GBP6: variants seen among roughly 807,000 people sequenced by gnomAD.
GBP6 encodes the protein guanylate-binding protein 6.
Under a neutral mutation model 61.5 loss-of-function variants are expected in GBP6, and 54 were observed. That is an observed-to-expected ratio of 0.88 (90% CI 0.71 to 1.10). The LOEUF (loss-of-function observed/expected upper bound fraction) is 1.10, where lower values mean the gene tolerates loss of function less well. Ranked by LOEUF, GBP6 falls within the 50% of genes least tolerant of loss-of-function variation. The pLI is 0.00. For missense variants in GBP6, 748 were observed against 752.8 expected (o/e 0.99, Z 0.07); for synonymous variants, 255 against 273.7 (o/e 0.93, Z 0.67).
intron 3 of GBP6, 110 bp from the exon 4 acceptor site, chr1:89,377,993 T>C: frequency 3.1e-6 from 3 of 970,526 alleles, no homozygotes; most frequent in Non-Finnish European, 4.8e-6. Context: ...ATGTTCTTTG[T>C]ACAGCAAGTA....
intron 6 of GBP6, 71 bp downstream of exon 6, chr1:89,380,702 A>G: frequency 6.8e-7 from 1 of 1,470,462 alleles, no homozygotes; most frequent in Non-Finnish European, 9.2e-7. Flanking sequence ...GTTTCTCAGA[A>G]TTTTTGTTAG....
chr1:89,380,734 T>G, intron 6 of GBP6, 103 bp downstream of exon 6: 2 of 999,288 alleles, frequency 2.0e-6, no homozygotes, highest in Non-Finnish European at 3.0e-6. Flanking sequence ...AAAAACTACG[T>G]GTATACAGGT....
intron 3 of GBP6, among the ~76,000 whole-genome samples, chr1:89,371,913 C>T (rs1273502785): frequency 6.6e-6 from 1 of 152,302 alleles, no homozygotes; most frequent in East Asian, 1.9e-4. Context: ...ATCTAGAAAA[C>T]CACATCATCT....
intron 3 of GBP6, 27 bp downstream of exon 3, chr1:89,369,700 C>T (rs1331882208): frequency 1.2e-6 from 2 of 1,601,562 alleles, no homozygotes; most frequent in Non-Finnish European, 1.7e-6. Context: ...TAGACAGGTT[C>T]CTTTTATTCC....
chr1:89,378,087 C>A lies in GBP6; in HGVS notation c.319-16C>A, dbSNP rs774529444. The A allele has an allele frequency of 1.1e-5, 18 of 1,608,470 alleles. No homozygotes were observed. Among genetic ancestry groups the A allele is most frequent in the Non-Finnish European group, 1.5e-5 (18 of 1,177,712 alleles). On this transcript the variant is annotated splice_polypyrimidine_tract_variant and intron_variant, in intron 3 of 10. Transcript: ENST00000370456. The stretch of plus-strand genomic sequence containing the variant: ...AGACTACACTCCTAAGTCCTTTGCT[C>A]TAATGTGCTTTTTAGGGTGACCCTA...
In GBP6 at chr1:89,384,313, C is replaced by T. The variant is rs1464737003; in HGVS notation, c.1662+27C>T. 4.5e-6 allele frequency: 7 copies of T among 1,568,668 alleles called. No individual in the cohort carries two copies. The South Asian group carries it at 5.9e-5, about 13-fold the overall frequency. On this transcript the variant is annotated intron_variant, in intron 10 of 10. Transcript: ENST00000370456. ...TAAGTCTGCCCTTGGCCTCAGCAGG[C>T]CAGACGGTCCTCACCCAGGTACCTC...
At chr1:89,365,296 A>G (rs1450787014) in intron 1 of GBP6, among the ~76,000 whole-genome samples, 3 of 152,198 alleles carry the variant, frequency 2.0e-5, no homozygotes, top group Non-Finnish European at 2.9e-5. Flanking sequence ...TGGTTTATAT[A>G]AAGTTGTTTG....
chr1:89,375,566 T>C (rs1020192351), intron 3 of GBP6, among the ~76,000 whole-genome samples: 4 of 151,526 alleles, frequency 2.6e-5, no homozygotes, highest in African/African-American at 9.7e-5. Flanking sequence ...GCATAAGTTA[T>C]TGCAGCACCT....
chr1:89,385,519 G>A lies in GBP6; in HGVS notation c.*50G>A. 4 of 1,402,042 alleles carry A rather than the reference G, an allele frequency of 2.9e-6. No individual in the cohort carries two copies. The highest frequency in any genetic ancestry group is 3.8e-6 in the Non-Finnish European group (4 of 1,045,552). The allele number at this position is 1,402,042 out of a possible 1,614,324, so 86.9% of individuals were successfully genotyped here. A position where few individuals can be genotyped will look rare whatever the true frequency, so the allele number is the denominator to read the frequency against. ...GCTTTGGACTATTTTTGATCTGTAT[G>A]TTTTTCATTTTCATTCAGCAAGTTT... On this transcript the variant is annotated 3_prime_UTR_variant, in exon 11 of 11. Coordinates refer to ENST00000370456, the MANE Select transcript of GBP6 (RefSeq NM_198460.3).
chr1:89,367,733 A>G (rs1652503973), intron 1 of GBP6, among the ~76,000 whole-genome samples: 1 of 152,172 alleles, frequency 6.6e-6, no homozygotes, highest in South Asian at 2.1e-4. Flanking sequence ...TGTGTATGAC[A>G]TACCAGAAAT....
At chr1:89,369,070 A>T (rs1652546478) in intron 2 of GBP6, among the ~76,000 whole-genome samples, 1 of 152,216 alleles carries the variant, frequency 6.6e-6, no homozygotes, top group South Asian at 2.1e-4. Context: ...ACATACAAAG[A>T]TGTTTTAATC....
At chr1:89,383,508 T>C (rs1557543740) in intron 8 of GBP6, 144 bp from the exon 9 acceptor site, 3 of 616,846 alleles carry the variant, frequency 4.9e-6, no homozygotes, top group Middle Eastern at 4.5e-4. Flanking sequence ...CTGGTCACCC[T>C]AAAGAGCCCG....
chr1:89,388,013 G>A lies in GBP6; in HGVS notation c.*2544G>A, dbSNP rs553950215. On this transcript the variant is annotated 3_prime_UTR_variant, in exon 11 of 11. Coordinates refer to ENST00000370456, the MANE Select transcript of GBP6 (RefSeq NM_198460.3). ...TTTCCTGGTATAGTGTCCTTCTCTA[G>A]ACCTCATGTCCTACAGTCTCTGTGA... Among the ~76,000 whole-genome samples the A allele has an allele frequency of 7.9e-5, 12 of 152,268 alleles. No homozygotes were observed. The East Asian group carries it at 1.9e-3, about 24-fold the overall frequency.
chr1:89,382,358 T>A (rs1384499923), intron 7 of GBP6, among the ~76,000 whole-genome samples: 1 of 152,308 alleles, frequency 6.6e-6, no homozygotes. Flanking sequence ...TGTATCCTTG[T>A]ACCATTGAGG....
rs781610461 is a variant in GBP6 at position 89,385,320 on chromosome 1, AC to A, written c.1754del (p.Thr585LysfsTer20). On this transcript the variant is annotated frameshift_variant, in exon 11 of 11. Coordinates refer to ENST00000370456, the MANE Select transcript of GBP6 (RefSeq NM_198460.3). LOFTEE classifies it low-confidence loss of function (END_TRUNC). ...TCAATTTAAACGTATGATTGATACT[AC>A]AAAAAATGATGATACTCCCTGGATT... ...ISQFKRMIDT[T>X]KNDDTPWIAR... 4.3e-6 allele frequency: 7 copies of A among 1,614,064 alleles called. No individual in the cohort carries two copies. In the Admixed American group the frequency reaches 6.7e-5, roughly 15 times the overall value.
chr1:89,384,163 G>GCAA lies in GBP6; in HGVS notation c.1542_1544dup (p.Gln515dup). 1 of 1,614,134 alleles carries GCAA rather than the reference G, an allele frequency of 6.2e-7. No homozygotes were observed. Among genetic ancestry groups the GCAA allele is most frequent in the South Asian group, 1.1e-5 (1 of 91,072 alleles). ...TAAAACAGAAATTACAGGAGCAGCA[G>GCAA]CAACAGATGGAGGCTCAAGATAAGA... On this transcript the variant is annotated inframe_insertion, in exon 10 of 11. Coordinates refer to ENST00000370456, the MANE Select transcript of GBP6 (RefSeq NM_198460.3).
At chr1:89,383,017 A>T in intron 8 of GBP6, 141 bp downstream of exon 8, 1 of 580,332 alleles carries the variant, frequency 1.7e-6, no homozygotes, top group Non-Finnish European at 3.1e-6. Context: ...TATTTCTTAG[A>T]ATAAAAATTT....
intron 3 of GBP6, among the ~76,000 whole-genome samples, chr1:89,371,619 C>T (rs1490185707): frequency 1.3e-5 from 2 of 152,174 alleles, no homozygotes; most frequent in African/African-American, 4.8e-5. Context: ...AACAGCTCTT[C>T]ATGCTAAAAA....
Position 89,385,352 on chromosome 1 carries a change from A to C in GBP6, c.1785A>C (p.Arg595=). The C allele has an allele frequency of 1.2e-6, 2 of 1,614,174 alleles. No individual in the cohort carries two copies. Among genetic ancestry groups the C allele is most frequent in the South Asian group, 2.2e-5 (2 of 91,088 alleles). Residue 595 remains arginine (R), a synonymous_variant, in exon 11 of 11, where the codon CGA becomes CGC. Transcript: ENST00000370456. Reference sequence around the variant, plus strand: ...ATGATGATACTCCCTGGATTGCACGAACCTTGGACAACCTTGCCGATGAGC... The same window carrying C: ...ATGATGATACTCCCTGGATTGCACGCACCTTGGACAACCTTGCCGATGAGC... ...TKNDDTPWIA[R]TLDNLADELT...
Sources: allele counts gnomAD v4.1 joint callset (sites outside exome capture counted in the v4.1 genomes callset), GRCh38; gene constraint gnomAD v4.1.1; transcripts MANE v1.5; gene names NCBI Gene and HGNC (gene_info 2026-07-23, HGNC 2026-07-21).